The following RNF180 variants were observed in gnomAD, a reference collection of about 807,000 sequenced individuals.
The protein encoded by RNF180 is E3 ubiquitin-protein ligase RNF180.
A neutral mutation model predicts 59.2 loss-of-function variants in RNF180; 38 were observed. That is an observed-to-expected ratio of 0.64 (90% CI 0.50 to 0.84). The LOEUF (loss-of-function observed/expected upper bound fraction) is 0.84, where lower values mean the gene tolerates loss of function less well. RNF180 is among the 40% of genes least tolerant of loss of function. RNF180 has a pLI of 0.00. For missense variants in RNF180, 705 were observed against 700.9 expected (o/e 1.01, Z -0.07); for synonymous variants, 262 against 240.3 (o/e 1.09, Z -0.84).
intron 5 of RNF180, among the ~76,000 whole-genome samples, chr5:64,259,478 G>A (rs1339016077): frequency 6.6e-6 from 1 of 152,134 alleles, no homozygotes. Context: ...TAGACCTTGT[G>A]ATGTTCAACT....
Position 64,214,155 on chromosome 5 carries a change from A to G in RNF180, c.829A>G (p.Ser277Gly). 1 of 1,614,182 alleles carries G rather than the reference A, an allele frequency of 6.2e-7. No individual in the cohort carries two copies. Among genetic ancestry groups the G allele is most frequent in the Non-Finnish European group, 8.5e-7 (1 of 1,180,034 alleles). Residue 277 changes from serine to glycine, a missense_variant, in exon 4 of 8, where the codon AGC becomes GGC. Transcript: ENST00000389100. Reference sequence around the variant, plus strand: ...CTTGCCTTTACAATCTAGTAAAAATAGCTATTCCTTTCAGAATCCATCCAG... The same window carrying G: ...CTTGCCTTTACAATCTAGTAAAAATGGCTATTCCTTTCAGAATCCATCCAG... ...SGLPLQSSKN[S>G]YSFQNPSSFD...
At chr5:64,349,769 A>G (rs1033656661) in intron 7 of RNF180, among the ~76,000 whole-genome samples, 1 of 152,058 alleles carries the variant, frequency 6.6e-6, no homozygotes, top group Admixed American at 6.6e-5. Flanking sequence ...ACGTGAACTC[A>G]TCCTTTTTTA....
At chr5:64,327,552 A>C (rs1485218442) in intron 6 of RNF180, among the ~76,000 whole-genome samples, 1 of 152,204 alleles carries the variant, frequency 6.6e-6, no homozygotes, top group Non-Finnish European at 1.5e-5. Flanking sequence ...ATTCAGGAGC[A>C]TATTGTTCAA....
At chr5:64,252,514 C>T (rs1463895574) in intron 5 of RNF180, among the ~76,000 whole-genome samples, 1 of 152,038 alleles carries the variant, frequency 6.6e-6, no homozygotes, top group Non-Finnish European at 1.5e-5. Flanking sequence ...ATTATATATA[C>T]TACAAATAAT....
intron 5 of RNF180, among the ~76,000 whole-genome samples, chr5:64,289,018 G>T (rs754294492): frequency 2.6e-4 from 39 of 152,280 alleles, no homozygotes; most frequent in Admixed American, 3.3e-4. Flanking sequence ...TATGATACTG[G>T]ATGTGGGTTT....
At chr5:64,351,083 A>C (rs1205552446) in intron 7 of RNF180, among the ~76,000 whole-genome samples, 1 of 151,254 alleles carries the variant, frequency 6.6e-6, no homozygotes, top group Non-Finnish European at 1.5e-5. Context: ...CTTTTATTTC[A>C]TTGAGCAGTG....
intron 7 of RNF180, among the ~76,000 whole-genome samples, chr5:64,344,257 T>C (rs1432316644): frequency 2.6e-5 from 4 of 152,184 alleles, no homozygotes; most frequent in African/African-American, 7.2e-5. Flanking sequence ...GAAAATTATA[T>C]ATATGTAAAC....
intron 5 of RNF180, among the ~76,000 whole-genome samples, chr5:64,321,434 A>G (rs1421461138): frequency 6.6e-6 from 1 of 152,164 alleles, no homozygotes; most frequent in Non-Finnish European, 1.5e-5. Context: ...TATAAAGAGA[A>G]TAAAATACCT....
intron 5 of RNF180, among the ~76,000 whole-genome samples, chr5:64,252,741 A>G (rs1743664096): frequency 6.6e-6 from 1 of 152,154 alleles, no homozygotes; most frequent in African/African-American, 2.4e-5. Flanking sequence ...ATATCTGAGA[A>G]GAAAACAGTG....
chr5:64,350,351 C>T (rs545791635), intron 7 of RNF180, among the ~76,000 whole-genome samples: 10 of 152,164 alleles, frequency 6.6e-5, no homozygotes, highest in Admixed American at 3.9e-4. Context: ...AATTTTCTCC[C>T]GTTCTGTAGG....
intron 7 of RNF180, among the ~76,000 whole-genome samples, chr5:64,337,022 T>G (rs1236933655): frequency 1.3e-5 from 2 of 151,604 alleles, no homozygotes; most frequent in Non-Finnish European, 2.9e-5. Context: ...TTTGTTTTTG[T>G]TTTTGTTTTT....
chr5:64,293,532 T>C (rs1742721713), intron 5 of RNF180, among the ~76,000 whole-genome samples: 1 of 152,136 alleles, frequency 6.6e-6, no homozygotes, highest in South Asian at 2.1e-4. Flanking sequence ...AAACTTGCAC[T>C]ATTATGTAAT....
intron 5 of RNF180, among the ~76,000 whole-genome samples, chr5:64,323,489 G>C (rs575806534): frequency 6.6e-6 from 1 of 152,202 alleles, no homozygotes; most frequent in South Asian, 2.1e-4. Flanking sequence ...TCTGTGCAGA[G>C]ATCACACCAC....
intron 7 of RNF180, among the ~76,000 whole-genome samples, chr5:64,351,515 A>G (rs1462141479): frequency 2.0e-5 from 3 of 152,038 alleles, no homozygotes; most frequent in African/African-American, 7.2e-5. Flanking sequence ...GTTTTTGCCC[A>G]TTCAGTATGA....
At chr5:64,246,436 G>T (rs1015048094) in intron 5 of RNF180, among the ~76,000 whole-genome samples, 1 of 152,006 alleles carries the variant, frequency 6.6e-6, no homozygotes, top group African/African-American at 2.4e-5. Flanking sequence ...GATATCACTA[G>T]TGATCCCACA....
At chr5:64,358,493 T>C (rs751847014) in intron 7 of RNF180, among the ~76,000 whole-genome samples, 18 of 151,754 alleles carry the variant, frequency 1.2e-4, no homozygotes, top group Non-Finnish European at 2.2e-4. Flanking sequence ...ATAAAAGTTA[T>C]TAGAAATGGC....
At position 64,325,308 on chromosome 5, in the gene RNF180, C is replaced by T. The variant is rs1453768033; in HGVS notation, c.1350C>T (p.His450=). ...CTTATATGTGTTACCCTTGCCATCA[C>T]ATCTTCTGTGAGCCCTGCTTACGGA... ...FNPYMCYPCH[H]IFCEPCLRTL... is the part of the protein sequence containing the mutation. Residue 450 remains histidine (H), a synonymous_variant, in exon 6 of 8, where the codon CAC becomes CAT. Coordinates refer to ENST00000389100, the MANE Select transcript of RNF180 (RefSeq NM_001113561.2). 1 of 1,551,456 alleles carries T rather than the reference C, an allele frequency of 6.4e-7. No individual in the cohort carries two copies. The highest frequency in any genetic ancestry group is 8.7e-7 in the Non-Finnish European group (1 of 1,146,888).
At position 64,372,122 on chromosome 5, in the gene RNF180, AATTTCT is replaced by A. The variant is rs1478165849; in HGVS notation, c.*2316_*2321del. 2 of 151,782 alleles carry A rather than the reference AATTTCT, an allele frequency of 1.3e-5. No individual in the cohort carries two copies. Among genetic ancestry groups the A allele is most frequent in the African/African-American group, 4.8e-5 (2 of 41,404 alleles). 9.4% of individuals were successfully genotyped at this position (151,782 alleles called of 1,614,324 possible). On this transcript the variant is annotated 3_prime_UTR_variant, in exon 8 of 8. Coordinates refer to ENST00000389100, the MANE Select transcript of RNF180 (RefSeq NM_001113561.2). Reference sequence around the variant, plus strand: ...AATTTTATGAGTTATCATTATCAATAATTTCTATTTCTACCAAGCTTAATTATGGTA... The same window carrying A: ...AATTTTATGAGTTATCATTATCAATAATTTCTACCAAGCTTAATTATGGTA...
At chr5:64,178,668 T>G (rs1259613875) in intron 1 of RNF180, among the ~76,000 whole-genome samples, 3 of 152,236 alleles carry the variant, frequency 2.0e-5, no homozygotes, top group Non-Finnish European at 4.4e-5. Context: ...TATTAACTTG[T>G]GTAGTATTGT....
Sources: allele counts gnomAD v4.1 joint callset (sites outside exome capture counted in the v4.1 genomes callset), GRCh38; gene constraint gnomAD v4.1.1; transcripts MANE v1.5; gene names NCBI Gene and HGNC (gene_info 2026-07-23, HGNC 2026-07-21).